Variants in MAPK4 observed in about 807,000 individuals in gnomAD.
The protein encoded by MAPK4 is mitogen-activated protein kinase 4.
A neutral mutation model predicts 47.7 loss-of-function variants in MAPK4; 22 were observed. The ratio of observed to expected loss-of-function variants is 0.46; its 90% CI spans 0.33 to 0.66. The LOEUF is 0.66. Ranked by LOEUF, MAPK4 falls within the 30% of genes least tolerant of loss-of-function variation. The pLI is 0.02. For synonymous variants in MAPK4, 390 were observed against 365.7 expected, an observed-to-expected ratio of 1.07 and a Z score of -0.76; for missense variants, 736 against 831.7, an observed-to-expected ratio of 0.88 and a Z score of 1.42.
At chr18:50,725,513 G>A (rs74176774) in intron 4 of MAPK4, among the ~76,000 whole-genome samples, 23,621 of 152,186 alleles carry the variant, frequency 0.16, 1,999 homozygotes, top group South Asian at 0.21. Context: ...TCCCTGCCCC[G>A]CAAGGGGAAC....
intron 1 of MAPK4, among the ~76,000 whole-genome samples, chr18:50,582,774 C>T (rs908066683): frequency 8.5e-5 from 13 of 152,228 alleles, no homozygotes; most frequent in East Asian, 1.9e-4. Context: ...GAGCATGACA[C>T]GAGCAGCTTC....
At chr18:50,640,606 C>G (rs1463298629) in intron 1 of MAPK4, among the ~76,000 whole-genome samples, 1 of 152,122 alleles carries the variant, frequency 6.6e-6, no homozygotes, top group Non-Finnish European at 1.5e-5. Context: ...GCTGGGATTA[C>G]AGGTGTGCGC....
chr18:50,639,750 A>G (rs999165072), intron 1 of MAPK4, among the ~76,000 whole-genome samples: 1 of 152,182 alleles, frequency 6.6e-6, no homozygotes, highest in Non-Finnish European at 1.5e-5. Flanking sequence ...CAGGTGACGT[A>G]TCATAATTTA....
chr18:50,587,874 G>A (rs576035303), intron 1 of MAPK4, among the ~76,000 whole-genome samples: 2 of 151,852 alleles, frequency 1.3e-5, no homozygotes, highest in African/African-American at 2.4e-5. Flanking sequence ...GATTACAGGC[G>A]CCCACCACCA....
intron 1 of MAPK4, among the ~76,000 whole-genome samples, chr18:50,655,224 G>C (rs1202276750): frequency 6.6e-6 from 1 of 152,208 alleles, no homozygotes; most frequent in African/African-American, 2.4e-5. Flanking sequence ...GTCCCAGGGG[G>C]AGAAGGCTCA....
intron 1 of MAPK4, among the ~76,000 whole-genome samples, chr18:50,645,839 A>G (rs2042983993): frequency 2.6e-5 from 4 of 152,226 alleles, no homozygotes; most frequent in Admixed American, 2.0e-4. Context: ...ATGTTTGGGC[A>G]AGTTCCTTAA....
chr18:50,634,963 G>A (rs1348904387), intron 1 of MAPK4, among the ~76,000 whole-genome samples: 1 of 152,150 alleles, frequency 6.6e-6, no homozygotes, highest in Non-Finnish European at 1.5e-5. Context: ...ATGCTCAGTT[G>A]GCGCTCCAGA....
intron 1 of MAPK4, among the ~76,000 whole-genome samples, chr18:50,595,169 A>G (rs1477448843): frequency 6.6e-6 from 1 of 152,224 alleles, no homozygotes; most frequent in Non-Finnish European, 1.5e-5. Flanking sequence ...TTAAACATAC[A>G]TACCCTATGA....
intron 1 of MAPK4, among the ~76,000 whole-genome samples, chr18:50,632,650 C>T (rs555795591): frequency 4.3e-4 from 59 of 137,492 alleles, no homozygotes; most frequent in African/African-American, 1.6e-3. Context: ...GACAGAGTCT[C>T]ACTCTGACAT....
chr18:50,627,670 G>T (rs748994518), intron 1 of MAPK4, among the ~76,000 whole-genome samples: 4 of 152,184 alleles, frequency 2.6e-5, no homozygotes, highest in African/African-American at 4.8e-5. Context: ...CCTATGTTAC[G>T]ATCCCATTTG....
intron 1 of MAPK4, among the ~76,000 whole-genome samples, chr18:50,640,326 T>C (rs1434148625): frequency 1.3e-5 from 2 of 150,598 alleles, no homozygotes; most frequent in African/African-American, 4.9e-5. Context: ...CAAAGAAACT[T>C]GGACTTATAC....
chr18:50,670,813 C>T (rs1907902822), intron 2 of MAPK4, among the ~76,000 whole-genome samples: 2 of 151,174 alleles, frequency 1.3e-5, no homozygotes, highest in South Asian at 4.2e-4. Context: ...AGGCCCCACA[C>T]CAGCAGCCTC....
At chr18:50,646,992 C>A (rs2042996053) in intron 1 of MAPK4, among the ~76,000 whole-genome samples, 2 of 152,200 alleles carry the variant, frequency 1.3e-5, no homozygotes, top group South Asian at 2.1e-4. Flanking sequence ...CATCTGCAGT[C>A]ACAATTTTTT....
At chr18:50,647,727 A>G (rs962926847) in intron 1 of MAPK4, among the ~76,000 whole-genome samples, 1 of 152,108 alleles carries the variant, frequency 6.6e-6, no homozygotes, top group Non-Finnish European at 1.5e-5. Context: ...GTCCTTTGCC[A>G]CAGTTCCTGC....
At chr18:50,566,665 C>G (rs1440029236) in intron 1 of MAPK4, among the ~76,000 whole-genome samples, 1 of 152,210 alleles carries the variant, frequency 6.6e-6, no homozygotes, top group Non-Finnish European at 1.5e-5. Context: ...ACAGGCAGTA[C>G]TGAAACTATC....
intron 2 of MAPK4, among the ~76,000 whole-genome samples, chr18:50,700,156 C>G (rs1442207783): frequency 6.6e-6 from 1 of 152,190 alleles, no homozygotes; most frequent in Admixed American, 6.5e-5. Context: ...ACAGTCATCC[C>G]CATCCTGAAG....
chr18:50,692,122 C>T (rs1420732937), intron 2 of MAPK4, among the ~76,000 whole-genome samples: 1 of 152,180 alleles, frequency 6.6e-6, no homozygotes, highest in East Asian at 1.9e-4. Flanking sequence ...GAATCCCTTT[C>T]CAGGTAAAAG....
At chr18:50,624,756 A>G (rs2042761701) in intron 1 of MAPK4, among the ~76,000 whole-genome samples, 1 of 151,840 alleles carries the variant, frequency 6.6e-6, no homozygotes, top group Non-Finnish European at 1.5e-5. Context: ...ATTGGTGAAC[A>G]TACTGTTTTA....
intron 1 of MAPK4, among the ~76,000 whole-genome samples, chr18:50,573,261 G>A (rs911180744): frequency 3.9e-5 from 6 of 152,142 alleles, no homozygotes; most frequent in Non-Finnish European, 8.8e-5. Context: ...CTCTAGACCA[G>A]GGGTCCCCAA....
Sources: gnomAD v4.1 joint callset for allele counts (sites outside exome capture counted in the v4.1 genomes callset) on GRCh38, gnomAD v4.1.1 for gene constraint, MANE v1.5 for transcripts, NCBI Gene and HGNC (gene_info 2026-07-23, HGNC 2026-07-21) for gene names.